Variants in MS4A6E observed in about 807,000 individuals in gnomAD.
The protein encoded by MS4A6E is membrane spanning 4-domains A6E.
In MS4A6E, 8 loss-of-function variants were observed where a neutral mutation model predicts 13.2. The observed-to-expected ratio is 0.60, with a 90% CI of 0.35 to 1.09. The LOEUF is 1.09. Ranked by LOEUF, MS4A6E falls within the 50% of genes least tolerant of loss-of-function variation. MS4A6E has a pLI of 0.02. For synonymous variants in MS4A6E, 72 were observed against 67.6 expected (o/e 1.06, Z -0.32); for missense variants, 177 against 171.1 (o/e 1.03, Z -0.19).
chr11:60,336,252 G>A (rs7928662), intron 2 of MS4A6E, among the ~76,000 whole-genome samples: 6,984 of 152,176 alleles, frequency 0.046, 261 homozygotes, highest in East Asian at 0.14. Context: ...ACAATATGGC[G>A]GTCACATGTG....
At position 60,337,816 on chromosome 11, in the gene MS4A6E, C is replaced by G; in HGVS notation, c.223C>G (p.Pro75Ala). ...GGGTTTCATTCTCCTGTCTGTCAAC[C>G]CGGCTGCATTAAATCCTGCCTCATT... is the stretch of plus-strand genomic sequence containing the variant. ...LVGFILLSVNPAALNPASLQC... is the reference protein window; with the variant it reads ...LVGFILLSVNAAALNPASLQC... Residue 75 changes from proline to alanine, a missense_variant, in exon 3 of 5, where the codon CCG becomes GCG. Pro to Ala is a conservative substitution (Grantham distance 27). Coordinates refer to ENST00000684409, the MANE Select transcript of MS4A6E (RefSeq NM_139249.4). The G allele has an allele frequency of 6.2e-7, 1 of 1,614,192 alleles. No homozygotes were observed. Among genetic ancestry groups the G allele is most frequent in the Non-Finnish European group, 8.5e-7 (1 of 1,180,040 alleles).
At chr11:60,329,904 C>T (rs1454923884) in intron 1 of MS4A6E, among the ~76,000 whole-genome samples, 1 of 150,676 alleles carries the variant, frequency 6.6e-6, no homozygotes, top group Non-Finnish European at 1.5e-5. Flanking sequence ...CAGCTCACTG[C>T]TACCTCTGCC....
intron 3 of MS4A6E, among the ~76,000 whole-genome samples, chr11:60,338,903 A>T (rs1314411345): frequency 6.6e-6 from 1 of 152,212 alleles, no homozygotes; most frequent in African/African-American, 2.4e-5. Flanking sequence ...AATGAGGCTG[A>T]CAGTAATTGG....
At position 60,346,496 on chromosome 11, in the gene MS4A6E, C is replaced by T. The variant is rs527483705; in HGVS notation, c.*162+5568C>T. ...ACTTGTTCTTTAGGATGAGCCATCCCTTGACTGAATAAGGGGATAGGAAGT... is the reference window on the plus strand; with the variant it reads ...ACTTGTTCTTTAGGATGAGCCATCCTTTGACTGAATAAGGGGATAGGAAGT... On this transcript the variant is annotated intron_variant and NMD_transcript_variant, in intron 4 of 4. Coordinates refer to the MS4A6E transcript ENST00000532756. Among the ~76,000 whole-genome samples the T allele has an allele frequency of 5.3e-5, 8 of 152,270 alleles. 1 individual carries two copies. Among genetic ancestry groups the T allele is most frequent in the African/African-American group, 1.9e-4 (8 of 41,550 alleles).
At chr11:60,335,518 C>G in intron 2 of MS4A6E, 1 of 453,040 alleles carries the variant, frequency 2.2e-6, no homozygotes, top group South Asian at 1.6e-5. Context: ...GTCTGTTTCT[C>G]CTCTCATCCA....
chr11:60,343,327 A>G (rs77233564), downstream of MS4A6E, among the ~76,000 whole-genome samples: 1,985 of 152,234 alleles, frequency 0.013, 42 homozygotes, highest in African/African-American at 0.046. Context: ...AGACGCGTTA[A>G]TATAAAAGGA....
intron 1 of MS4A6E, among the ~76,000 whole-genome samples, chr11:60,328,135 A>T (rs1227540049): frequency 6.6e-6 from 1 of 152,032 alleles, no homozygotes; most frequent in Non-Finnish European, 1.5e-5. Flanking sequence ...TGTGGAAGGC[A>T]GAACTTAAAG....
chr11:60,331,511 T>A (rs2085155726), intron 1 of MS4A6E, among the ~76,000 whole-genome samples: 1 of 152,188 alleles, frequency 6.6e-6, no homozygotes, highest in Admixed American at 6.5e-5. Flanking sequence ...GTCTGGAGCA[T>A]TTGTTTCATA....
chr11:60,348,092 C>A lies in MS4A6E; in HGVS notation c.*162+7164C>A, dbSNP rs546621211. 4.8e-3 allele frequency among the ~76,000 whole-genome samples: 738 copies of A among 152,226 alleles called. 6 individuals are homozygous for A. The highest frequency in any genetic ancestry group is 0.017 in the African/African-American group (707 of 41,542). On this transcript the variant is annotated intron_variant and NMD_transcript_variant, in intron 4 of 4. Coordinates refer to the MS4A6E transcript ENST00000532756. ...AGGTTTCTTTAAAAAACCCAGGAAC[C>A]AAATGGTGGTTTTCCTGCTAACAGG...
At chr11:60,338,553 G>A (rs1481372206) in intron 3 of MS4A6E, 1 of 152,422 alleles carries the variant, frequency 6.6e-6, no homozygotes, top group African/African-American at 2.4e-5. Context: ...AAGAAATATA[G>A]GGAGATGGAG....
chr11:60,329,824 CTTT>C (rs35452287), intron 1 of MS4A6E, among the ~76,000 whole-genome samples: 10,962 of 134,924 alleles, frequency 0.081, 793 homozygotes, highest in African/African-American at 0.21. Flanking sequence ...CCTTCACCCA[CTTT>C]TTTTTTTTTT....
chr11:60,332,857 A>G (rs116779121), intron 1 of MS4A6E, among the ~76,000 whole-genome samples: 2,008 of 152,298 alleles, frequency 0.013, 39 homozygotes, highest in African/African-American at 0.045. Flanking sequence ...AACAAATAAG[A>G]TTTTATCTTG....
At chr11:60,339,830 C>T (rs1327610420) in intron 3 of MS4A6E, 36 bp from the exon 4 acceptor site, 3 of 1,590,618 alleles carry the variant, frequency 1.9e-6, no homozygotes, top group Admixed American at 3.3e-5. Flanking sequence ...TTCGGCTGAC[C>T]CAAGCATCAC....
downstream of MS4A6E, among the ~76,000 whole-genome samples, chr11:60,344,915 TTTTTG>T (rs1203695485): frequency 3.1e-5 from 4 of 130,948 alleles, no homozygotes; most frequent in Non-Finnish European, 6.2e-5. Flanking sequence ...TGTTTTGTTT[TTTTTG>T]TTTGTTTTTT....
At chr11:60,331,178 C>T (rs7950431) in intron 1 of MS4A6E, among the ~76,000 whole-genome samples, 54,410 of 151,890 alleles carry the variant, frequency 0.36, 10,261 homozygotes, top group East Asian at 0.41. Flanking sequence ...TAAGACATGT[C>T]CCCTAAGAAT....
chr11:60,347,750 G>A (rs2135069824), intron 4 of MS4A6E, among the ~76,000 whole-genome samples: 1 of 152,084 alleles, frequency 6.6e-6, no homozygotes, highest in Middle Eastern at 3.4e-3. Context: ...CCCCACCCCA[G>A]CCATGAAACT....
chr11:60,346,123 G>A (rs2085255207), downstream of MS4A6E, among the ~76,000 whole-genome samples: 1 of 152,164 alleles, frequency 6.6e-6, no homozygotes, highest in African/African-American at 2.4e-5. Flanking sequence ...TCTGAAACTG[G>A]TGACTTCTGT....
intron 1 of MS4A6E, among the ~76,000 whole-genome samples, chr11:60,331,752 T>C (rs4939338): frequency 0.63 from 95,928 of 152,054 alleles, 30,423 homozygotes; most frequent in East Asian, 0.67. Context: ...GTTAAAATTC[T>C]AACCCCTAAA....
chr11:60,341,474 C>T (rs1194458549), downstream of MS4A6E, among the ~76,000 whole-genome samples: 1 of 152,088 alleles, frequency 6.6e-6, no homozygotes, highest in Non-Finnish European at 1.5e-5. Flanking sequence ...CAAATGCTAA[C>T]CAGGAATGCT....
Sources: allele counts gnomAD v4.1 joint callset (sites outside exome capture counted in the v4.1 genomes callset), GRCh38; gene constraint gnomAD v4.1.1; transcripts MANE v1.5; gene names NCBI Gene and HGNC (gene_info 2026-07-23, HGNC 2026-07-21).